The following PODNL1 variants were observed in gnomAD, a reference collection of about 807,000 sequenced individuals.
The protein encoded by PODNL1 is podocan like 1.
In PODNL1, 50 loss-of-function variants were observed where a neutral mutation model predicts 45.1. The observed-to-expected ratio is 1.11, with a 90% CI of 0.88 to 1.40. The LOEUF is 1.40. PODNL1 is among the 40% of genes most tolerant of loss of function. The pLI, the probability that PODNL1 is intolerant of heterozygous loss-of-function variation, is 0.00. For missense variants in PODNL1, 788 were observed against 793.3 expected (o/e 0.99, Z 0.08); for synonymous variants, 406 against 372.5 (o/e 1.09, Z -1.04).
rs1233238039 is a variant in PODNL1 at position 13,931,806 on chromosome 19, C to T, written c.1656G>A (p.Gly552=). The change falls in exon 10 of 10, where the codon GGG becomes GGA. Residue 552 remains glycine (G), a synonymous_variant. Coordinates refer to ENST00000588872, the MANE Select transcript of PODNL1 (RefSeq NM_001370095.3). ...LPNLRVVDTA[G]NPEQVLIRLP... ...GCCGGATCAGGACCTGCTCCGGATT[C>T]CCTGCCGTGTCCACCACACGCAGGT... 8.1e-7 allele frequency: 1 copy of T among 1,231,752 alleles called. No homozygotes were observed. The allele number at this position is 1,231,752 out of a possible 1,614,324, so 76.3% of individuals were successfully genotyped here.
intron 5 of PODNL1, among the ~76,000 whole-genome samples, chr19:13,935,140 G>T (rs1241591234): frequency 6.7e-6 from 1 of 149,090 alleles, no homozygotes; most frequent in Non-Finnish European, 1.5e-5. Flanking sequence ...GTGAGTCTGT[G>T]TAAGTGTGTG....
Position 13,934,321 on chromosome 19 carries a change from A to C in PODNL1, c.584T>G (p.Leu195Arg). Reference protein sequence around the residue: ...RGSEAIATLSLSNNQLSYLPP... With the variant: ...RGSEAIATLSRSNNQLSYLPP... ...CAGGTAGCTGAGCTGGTTGTTGGAG[A>C]GGCTGAGGGTGGCGATGGCCTCGGA... is the stretch of plus-strand genomic sequence containing the variant. The change falls in exon 6 of 10, where the codon CTC (leucine) becomes CGC (arginine). Residue 195 changes from leucine (L) to arginine (R), a missense_variant. By Grantham distance (102) the Leu-to-Arg change is moderately radical. Coordinates refer to ENST00000588872, the MANE Select transcript of PODNL1 (RefSeq NM_001370095.3). 3.9e-6 allele frequency: 6 copies of C among 1,552,420 alleles called. No homozygotes were observed. Among genetic ancestry groups the C allele is most frequent in the Non-Finnish European group, 5.2e-6 (6 of 1,153,780 alleles).
chr19:13,944,699 G>A (rs1004172805), intron 1 of PODNL1, among the ~76,000 whole-genome samples: 1 of 151,818 alleles, frequency 6.6e-6, no homozygotes, highest in Non-Finnish European at 1.5e-5. Flanking sequence ...TCAATGATCC[G>A]CCCGCCTTGG....
rs550083353 is a variant in PODNL1 at position 13,944,231 on chromosome 19, C to T, written c.19-6225G>A. 8.6e-5 allele frequency among the ~76,000 whole-genome samples: 13 copies of T among 151,914 alleles called. No individual in the cohort carries two copies. The South Asian group carries it at 2.1e-3, about 24-fold the overall frequency. Reference sequence around the variant, plus strand: ...CTGGAGTGCAGTGGCGCAATCTCGGCGGCTCACTGCAAGCTCCGCCTCCCG... The same window carrying T: ...CTGGAGTGCAGTGGCGCAATCTCGGTGGCTCACTGCAAGCTCCGCCTCCCG... On this transcript the variant is annotated intron_variant, in intron 1 of 7. Coordinates refer to the PODNL1 transcript ENST00000538371.
chr19:13,936,251 G>T (rs1972341381), intron 3 of PODNL1, 116 bp downstream of exon 3: 3 of 1,112,454 alleles, frequency 2.7e-6, no homozygotes, highest in East Asian at 2.4e-5. Flanking sequence ...TCAGCAAAGG[G>T]CAGTTCTGGG....
rs778831549 is a variant in PODNL1 at position 13,937,935 on chromosome 19, G to A, written c.75C>T (p.Phe25=). 1.3e-6 allele frequency: 2 copies of A among 1,550,410 alleles called. No individual in the cohort carries two copies. The highest frequency in any genetic ancestry group is 1.7e-6 in the Non-Finnish European group (2 of 1,145,988). The change falls in exon 2 of 10, where the codon TTC becomes TTT. Residue 25 remains phenylalanine (F), a synonymous_variant. Transcript: ENST00000588872. ...GCTGCAAGCTCTCCCCCAGGTGGGG[G>A]AAGGCAGCGTCTTCCAAGCCGGCGA... ...PPVAGLEDAA[F]PHLGESLQPL...
Position 13,931,443 on chromosome 19 carries a change from C to G in PODNL1, c.*294G>C, listed in dbSNP as rs1469132299. Reference sequence around the variant, plus strand: ...TGTGGGGAGGAGTCCGTGGACAGAGCCCCCAAAGGGTGCCTGGTCCGTGCT... The same window carrying G: ...TGTGGGGAGGAGTCCGTGGACAGAGGCCCCAAAGGGTGCCTGGTCCGTGCT... On this transcript the variant is annotated 3_prime_UTR_variant, in exon 10 of 10. Transcript: ENST00000588872. The G allele has an allele frequency of 9.2e-6, 3 of 325,658 alleles. No homozygotes were observed. The highest frequency in any genetic ancestry group is 1.7e-5 in the Non-Finnish European group (3 of 179,886). 20.2% of individuals were successfully genotyped at this position (325,658 alleles called of 1,614,324 possible).
chr19:13,938,250 A>G lies in PODNL1; in HGVS notation c.-69T>C, dbSNP rs73924868. ...ACTTCCTAATGGAAACCAGGCGGTC[A>G]CCTCCTGGAGCCTCTGCTGTGGCCA... On this transcript the variant is annotated 5_prime_UTR_variant, in exon 1 of 10. It removes the in-frame stop codon of an upstream open reading frame in the 5' UTR. Coordinates refer to ENST00000588872, the MANE Select transcript of PODNL1 (RefSeq NM_001370095.3). 3.9e-4 allele frequency: 620 copies of G among 1,572,794 alleles called. 2 individuals are homozygous for G. In the African/African-American group the frequency reaches 7.3e-3, roughly 19 times the overall value.
At chr19:13,938,601 A>G, upstream of PODNL1, 1 of 378,000 alleles carries the variant, frequency 2.6e-6, no homozygotes, top group Non-Finnish European at 3.7e-6. Flanking sequence ...GGCACAGGAG[A>G]GTTCCGAGAA....
chr19:13,952,895 GCCCCAGGGAGGGGGCTCGGAGGGAGGCGA>G, intron 1 of PODNL1: 1 of 592,038 alleles, frequency 1.7e-6, no homozygotes, highest in Non-Finnish European at 2.6e-6. Context: ...TGGGGGCGGG[GCCCCAGGGAGGGGGCTCGGAGGGAGGCGA>G]CCCCAGAGGC....
chr19:13,953,156 T>C, exon 1 of PODNL1: 1 of 1,542,954 alleles, frequency 6.5e-7, no homozygotes, highest in Non-Finnish European at 8.8e-7. Context: ...GGGAGCTCCC[T>C]GGATAGGGCT....
intron 1 of PODNL1, chr19:13,952,395 C>A: frequency 8.3e-7 from 1 of 1,202,614 alleles, no homozygotes; most frequent in Non-Finnish European, 1.0e-6. Context: ...ACAGGCATAG[C>A]GCGAGTGCGG....
chr19:13,931,578 G>T lies in PODNL1; in HGVS notation c.*159C>A. The T allele has an allele frequency of 2.6e-6, 2 of 768,538 alleles. No homozygotes were observed. The highest frequency in any genetic ancestry group is 3.5e-6 in the Non-Finnish European group (2 of 565,492). The allele number at this position is 768,538 out of a possible 1,614,324, so 47.6% of individuals were successfully genotyped here. A position where few individuals can be genotyped will look rare whatever the true frequency, so the allele number is the denominator to read the frequency against. ...TGGTCTGTGAGCCTGGAGTATGCCAGCTGTGTGCCTCTGTGTCTCGGCCAG... is the reference window on the plus strand; with the variant it reads ...TGGTCTGTGAGCCTGGAGTATGCCATCTGTGTGCCTCTGTGTCTCGGCCAG... On this transcript the variant is annotated 3_prime_UTR_variant, in exon 10 of 10. Transcript: ENST00000588872.
intron 1 of PODNL1, chr19:13,952,947 CAGG>C: frequency 1.1e-6 from 1 of 913,752 alleles, no homozygotes; most frequent in East Asian, 3.0e-5. Flanking sequence ...CAGGGAGAAT[CAGG>C]AGGAAGGGGG....
Position 13,933,009 on chromosome 19 carries a change from C to A in PODNL1, c.1214G>T (p.Ser405Ile), listed in dbSNP as rs1225075599. 4 of 1,542,018 alleles carry A rather than the reference C, an allele frequency of 2.6e-6. No individual in the cohort carries two copies. The Admixed American group carries it at 7.8e-5, about 30-fold the overall frequency. Residue 405 changes from serine to isoleucine, a missense_variant, in exon 8 of 10, where the codon AGC becomes ATC. This residue lies in a region of PODNL1 where 762 missense variants were observed against 750.9 expected (regional missense o/e 1.01). Coordinates refer to ENST00000588872, the MANE Select transcript of PODNL1 (RefSeq NM_001370095.3). The surrounding 1 kb of genome is among the most constrained non-coding windows in gnomAD (Gnocchi z 5.2). The stretch of plus-strand genomic sequence containing the variant: ...TAGCTGATTCCCTGCCAGGTCGAGG[C>A]TGCGCAGGGCACGCAACCGGCGGAA... ...RAFRRLRALR[S>I]LDLAGNQLTR...
intron 5 of PODNL1, among the ~76,000 whole-genome samples, chr19:13,934,847 G>A (rs915881943): frequency 3.3e-5 from 5 of 152,096 alleles, no homozygotes; most frequent in African/African-American, 1.2e-4. Context: ...GTGCATAAGT[G>A]TGCATGTGAT....
Position 13,933,932 on chromosome 19 carries a change from A to G in PODNL1, c.713T>C (p.Leu238Pro), listed in dbSNP as rs1972141656. 1.2e-6 allele frequency: 2 copies of G among 1,612,724 alleles called. No homozygotes were observed. The highest frequency in any genetic ancestry group is 1.3e-5 in the African/African-American group (1 of 74,894). ...ALSRQTQLRE[L>P]YLQHNQLTDS... is the part of the protein sequence containing the mutation. ...TGTCAGCTGGTTGTGCTGGAGGTAG[A>G]GCTCACGGAGTTGAGTCTGGCGGCT... The change falls in exon 7 of 10, where the codon CTC becomes CCC. Residue 238 changes from leucine (L) to proline (P), a missense_variant. Around this residue, in one of 3 missense-constraint regions of PODNL1, gnomAD observed 762 missense variants for 750.9 expected, o/e 1.01. Transcript: ENST00000588872. The surrounding 1 kb of genome is among the most constrained non-coding windows in gnomAD (Gnocchi z 5.2).
In PODNL1 at chr19:13,937,964, G is replaced by A; in HGVS notation, c.46C>T (p.Pro16Ser). Residue 16 changes from proline to serine, a missense_variant, in exon 2 of 10, where the codon CCC (proline) becomes TCC (serine). Pro to Ser is a moderately conservative substitution (Grantham distance 74). Coordinates refer to ENST00000588872, the MANE Select transcript of PODNL1 (RefSeq NM_001370095.3). ...LLLLLLPGPP[P>S]VAGLEDAAFP... Reference sequence around the variant, plus strand: ...GCAGCGTCTTCCAAGCCGGCGACGGGCGGGGGCCCCGGCAACAGCAGGAGC... The same window carrying A: ...GCAGCGTCTTCCAAGCCGGCGACGGACGGGGGCCCCGGCAACAGCAGGAGC... 1 of 1,541,672 alleles carries A rather than the reference G, an allele frequency of 6.5e-7. No homozygotes were observed. The highest frequency in any genetic ancestry group is 8.8e-7 in the Non-Finnish European group (1 of 1,140,210).
intron 2 of PODNL1, 108 bp from the exon 3 acceptor site, chr19:13,936,568 A>AC: frequency 1.3e-6 from 1 of 797,114 alleles, no homozygotes; most frequent in Non-Finnish European, 2.1e-6. Flanking sequence ...TACCATCATC[A>AC]CCCCCACAGT....
Sources: allele counts gnomAD v4.1 joint callset (sites outside exome capture counted in the v4.1 genomes callset), GRCh38; gene constraint gnomAD v4.1.1; regional missense constraint gnomAD v4.1.1; non-coding constraint Gnocchi (gnomAD v3.1); transcripts MANE v1.5; gene names NCBI Gene and HGNC (gene_info 2026-07-23, HGNC 2026-07-21).